Variants in XXYLT1 observed in about 807,000 individuals in gnomAD.
XXYLT1 encodes xyloside xylosyltransferase 1, also known as UDP-xylose:alpha-xyloside alpha-1,3-xylosyltransferase.
In XXYLT1, 20 loss-of-function variants were observed where a neutral mutation model predicts 28.9. The observed-to-expected ratio is 0.69, with a 90% CI of 0.49 to 1.00. XXYLT1 has a LOEUF of 1.00. Among genes scored for constraint, XXYLT1 ranks in the 50% least tolerant of loss-of-function variants. XXYLT1 has a pLI of 0.00. For missense variants in XXYLT1, 542 were observed against 560.1 expected (o/e 0.97, Z 0.33); for synonymous variants, 257 against 253.8 (o/e 1.01, Z -0.12).
intron 3 of XXYLT1, among the ~76,000 whole-genome samples, chr3:195,117,323 T>C (rs1197998379): frequency 6.6e-6 from 1 of 152,128 alleles, no homozygotes; most frequent in African/African-American, 2.4e-5. Context: ...GAATGTTGAA[T>C]CAGATGTGGG....
intron 3 of XXYLT1, among the ~76,000 whole-genome samples, chr3:195,123,526 G>A (rs958648958): frequency 4.4e-4 from 67 of 152,288 alleles, no homozygotes; most frequent in Middle Eastern, 3.4e-3. Flanking sequence ...GGCAGAAGAC[G>A]AGTGAGTCCT....
intron 1 of XXYLT1, among the ~76,000 whole-genome samples, chr3:195,264,658 G>C (rs1422333925): frequency 6.6e-6 from 1 of 152,226 alleles, no homozygotes; most frequent in Non-Finnish European, 1.5e-5. Context: ...CATGAAGGCA[G>C]AAACTTGTTC....
At chr3:195,145,348 G>A (rs1010692233) in intron 3 of XXYLT1, among the ~76,000 whole-genome samples, 15 of 149,254 alleles carry the variant, frequency 1.0e-4, no homozygotes, top group African/African-American at 2.7e-4. Flanking sequence ...CCACATGAAC[G>A]GGCACATCAC....
At chr3:195,175,538 G>T in intron 2 of XXYLT1, 1 of 1,523,806 alleles carries the variant, frequency 6.6e-7, no homozygotes, top group African/African-American at 1.4e-5. Context: ...CTGTTCAGAT[G>T]GAGATTCCTA....
At position 195,122,633 on chromosome 3, in the gene XXYLT1, G is replaced by C. The variant is rs752867952; in HGVS notation, c.785+33816C>G. Among the ~76,000 whole-genome samples the C allele has an allele frequency of 1.1e-4, 17 of 152,348 alleles. 1 individual carries two copies. Among genetic ancestry groups the C allele is most frequent in the Middle Eastern group, 3.4e-3 (1 of 294 alleles). On this transcript the variant is annotated intron_variant, in intron 3 of 3. Transcript: ENST00000310380. The stretch of plus-strand genomic sequence containing the variant: ...CAAGGTCCTTCGACTCCACAGGAAG[G>C]GGGAGGCGACTGCCAGCCCCAGCAC...
At chr3:195,146,707 G>A (rs904008767) in intron 3 of XXYLT1, 1 of 152,280 alleles carries the variant, frequency 6.6e-6, no homozygotes, top group Non-Finnish European at 1.5e-5. Context: ...CTCCATTTTT[G>A]TTTGTTTGGT....
intron 2 of XXYLT1, among the ~76,000 whole-genome samples, chr3:195,199,428 G>A (rs373417562): frequency 6.6e-6 from 1 of 152,044 alleles, no homozygotes. Flanking sequence ...TGGCTAACAC[G>A]GTGAAACCCT....
At chr3:195,246,093 C>T (rs1725012411) in intron 1 of XXYLT1, among the ~76,000 whole-genome samples, 1 of 152,256 alleles carries the variant, frequency 6.6e-6, no homozygotes. Flanking sequence ...CCTCCTTCTC[C>T]ATCTAGCACA....
intron 2 of XXYLT1, among the ~76,000 whole-genome samples, chr3:195,158,925 T>C (rs1202410758): frequency 6.6e-6 from 1 of 152,124 alleles, no homozygotes; most frequent in African/African-American, 2.4e-5. Flanking sequence ...TGTCTCTCTG[T>C]GGGAAATATG....
At chr3:195,090,247 C>A (rs1050142400) in intron 3 of XXYLT1, among the ~76,000 whole-genome samples, 8 of 151,768 alleles carry the variant, frequency 5.3e-5, no homozygotes, top group Non-Finnish European at 8.8e-5. Context: ...CCACACCACA[C>A]CTACTCCAAA....
intron 3 of XXYLT1, among the ~76,000 whole-genome samples, chr3:195,088,101 C>A (rs1715864027): frequency 6.6e-6 from 1 of 151,826 alleles, no homozygotes; most frequent in South Asian, 2.1e-4. Flanking sequence ...GGCAGCGAGG[C>A]TGGGGGAGGG....
At chr3:195,202,471 T>A (rs1722901622) in intron 2 of XXYLT1, among the ~76,000 whole-genome samples, 1 of 145,694 alleles carries the variant, frequency 6.9e-6, no homozygotes, top group African/African-American at 2.6e-5. Context: ...AACGTGTCAA[T>A]CCAAAGATGA....
intron 2 of XXYLT1, among the ~76,000 whole-genome samples, chr3:195,208,821 A>G (rs998654541): frequency 1.3e-5 from 2 of 152,124 alleles, no homozygotes; most frequent in African/African-American, 4.8e-5. Flanking sequence ...AAGAGCGTCC[A>G]GAGTCCCCGG....
At chr3:195,099,825 T>C (rs9867726) in intron 3 of XXYLT1, among the ~76,000 whole-genome samples, 19,704 of 92,774 alleles carry the variant, frequency 0.21, 2,981 homozygotes, top group African/African-American at 0.46. Context: ...AGCGAGACTC[T>C]GTCTCAAAAA....
intron 3 of XXYLT1, chr3:195,093,611 C>G (rs1716237772): frequency 6.6e-6 from 1 of 150,760 alleles, no homozygotes; most frequent in Non-Finnish European, 1.5e-5. Context: ...AGCGCACCAG[C>G]ATGGCACATG....
At chr3:195,250,197 C>A (rs866075896) in intron 1 of XXYLT1, among the ~76,000 whole-genome samples, 15 of 152,186 alleles carry the variant, frequency 9.9e-5, no homozygotes, top group Admixed American at 4.6e-4. Flanking sequence ...GGCTGCCCAG[C>A]CAGCTCCTTC....
At chr3:195,147,693 A>G (rs986182982) in intron 3 of XXYLT1, among the ~76,000 whole-genome samples, 7 of 152,234 alleles carry the variant, frequency 4.6e-5, no homozygotes, top group African/African-American at 9.6e-5. Context: ...GCAGCTGGCC[A>G]GCACCGCGGA....
At chr3:195,175,672 A>G (rs899699444) in intron 2 of XXYLT1, 5 of 1,536,152 alleles carry the variant, frequency 3.3e-6, no homozygotes, top group Admixed American at 2.0e-5. Flanking sequence ...AGGTGGCCAC[A>G]TGACTAGCTC....
chr3:195,099,633 A>G (rs1443085790), intron 3 of XXYLT1, among the ~76,000 whole-genome samples: 1 of 152,114 alleles, frequency 6.6e-6, no homozygotes, highest in African/African-American at 2.4e-5. Flanking sequence ...GATCAAGACC[A>G]TCCTGGTTAA....
Sources: allele counts gnomAD v4.1 joint callset (sites outside exome capture counted in the v4.1 genomes callset), GRCh38; gene constraint gnomAD v4.1.1; transcripts MANE v1.5; gene names NCBI Gene and HGNC (gene_info 2026-07-23, HGNC 2026-07-21).